Variants in CCDC157 observed in about 807,000 individuals in gnomAD.
CCDC157 encodes coiled-coil domain containing 157.
A neutral mutation model predicts 70.9 loss-of-function variants in CCDC157; 60 were observed. That is an observed-to-expected ratio of 0.85 (90% CI 0.69 to 1.05). CCDC157 has a LOEUF of 1.05. Ranked by LOEUF, CCDC157 falls within the 50% of genes least tolerant of loss-of-function variation. The pLI, the probability that CCDC157 is intolerant of heterozygous loss-of-function variation, is 0.00. For synonymous variants in CCDC157, 373 were observed against 422.4 expected (o/e 0.88, Z 1.43); for missense variants, 943 against 984.2 (o/e 0.96, Z 0.56).
At chr22:30,371,511 C>A in intron 5 of CCDC157, 139 bp from the exon 6 acceptor site, 1 of 698,948 alleles carries the variant, frequency 1.4e-6, no homozygotes, top group South Asian at 1.7e-5. Flanking sequence ...CCACCAGCCT[C>A]CCTAGAGCTC....
chr22:30,361,686 G>A (rs376421105), intron 1 of CCDC157, among the ~76,000 whole-genome samples: 1 of 152,168 alleles, frequency 6.6e-6, no homozygotes, highest in African/African-American at 2.4e-5. Context: ...GAGTGACCTC[G>A]GGCAAGCTCC....
chr22:30,356,651 C>G, upstream of CCDC157: 2 of 1,143,776 alleles, frequency 1.7e-6, no homozygotes, highest in Non-Finnish European at 2.4e-6. Flanking sequence ...TTCATAGCGG[C>G]CGGCCGCTTA....
At chr22:30,374,488 C>T (rs1479547020) in intron 9 of CCDC157, 1 of 468,008 alleles carries the variant, frequency 2.1e-6, no homozygotes, top group African/African-American at 2.0e-5. Flanking sequence ...ACACAGCCTC[C>T]AGCTGCCCAC....
In CCDC157 at chr22:30,369,417, C is replaced by A. The variant is rs925134152; in HGVS notation, c.249-15C>A. The A allele has an allele frequency of 8.0e-6, 12 of 1,491,356 alleles. No homozygotes were observed. Among genetic ancestry groups the A allele is most frequent in the Non-Finnish European group, 1.1e-5 (12 of 1,113,936 alleles). 92.4% of individuals were successfully genotyped at this position (1,491,356 alleles called of 1,614,324 possible). A position where few individuals can be genotyped will look rare whatever the true frequency, so the allele number is the denominator to read the frequency against. On this transcript the variant is annotated splice_polypyrimidine_tract_variant and intron_variant, in intron 3 of 11. Transcript: ENST00000338306. ...ACCAGCCTGGGCCCCAGCAACCTAG[C>A]ATCTCTGCCCGCAGGCTCCTGCTGC...
At chr22:30,374,329 C>G in intron 9 of CCDC157, 1 of 638,156 alleles carries the variant, frequency 1.6e-6, no homozygotes, top group Non-Finnish European at 2.9e-6. Flanking sequence ...CCTCTAGTCA[C>G]AACAGCCAAA....
At chr22:30,370,187 C>G in intron 4 of CCDC157, 139 bp from the exon 5 acceptor site, 1 of 941,230 alleles carries the variant, frequency 1.1e-6, no homozygotes, top group Non-Finnish European at 1.6e-6. Context: ...CTCTTATTCA[C>G]GTCGGTGTCA....
chr22:30,361,305 C>T (rs545348551), intron 1 of CCDC157, among the ~76,000 whole-genome samples: 19 of 149,996 alleles, frequency 1.3e-4, no homozygotes, highest in African/African-American at 4.2e-4. Context: ...TGAGGGAGGG[C>T]ATGGATTTAG....
In CCDC157 at chr22:30,370,953, C is replaced by T. The variant is rs1363418612; in HGVS notation, c.1045+3C>T. On this transcript the variant is annotated splice_donor_region_variant and intron_variant, in intron 5 of 11. Coordinates refer to ENST00000338306, the MANE Select transcript of CCDC157 (RefSeq NM_001017437.5). ...CGACAAACAGCAGCTGCTCACAGGTCTGTGCCCCAGAGGCCAGACGCCTGG... is the reference window on the plus strand; with the variant it reads ...CGACAAACAGCAGCTGCTCACAGGTTTGTGCCCCAGAGGCCAGACGCCTGG... 2 of 1,604,862 alleles carry T rather than the reference C, an allele frequency of 1.2e-6. No individual in the cohort carries two copies. Among genetic ancestry groups the T allele is most frequent in the Non-Finnish European group, 1.7e-6 (2 of 1,176,638 alleles).
Position 30,376,686 on chromosome 22 carries a change from CTG to C in CCDC157, c.2202_2203del (p.Ser735ThrfsTer37). On this transcript the variant is annotated frameshift_variant, in exon 12 of 12. Transcript: ENST00000338306. LOFTEE classifies it high-confidence loss of function. ...GGTCTTGGTCAGGCTGAGAAAGAGA[CTG>C]TCACCTGGCCGGGGACAGGCCAGCT... ...IKVLVRLRKRLSPGRGQASSA... is the reference protein window; with the variant it reads ...IKVLVRLRKRXSPGRGQASSA... 1 of 1,613,572 alleles carries C rather than the reference CTG, an allele frequency of 6.2e-7. No individual in the cohort carries two copies. Among genetic ancestry groups the C allele is most frequent in the Non-Finnish European group, 8.5e-7 (1 of 1,180,024 alleles).
At chr22:30,360,029 T>TAA (rs1428574511) in intron 1 of CCDC157, among the ~76,000 whole-genome samples, 1 of 152,108 alleles carries the variant, frequency 6.6e-6, no homozygotes, top group East Asian at 1.9e-4. Flanking sequence ...CCTGTAGTCC[T>TAA]ACCTACTCAG....
Position 30,370,541 on chromosome 22 carries a change from GACCAT to G in CCDC157, c.637_641del (p.Thr213Ter), listed in dbSNP as rs1283358061. ...AGAACACCAGGAGTGTCCACTCCCA[GACCAT>G]TGAGACGGCCCTGGTGCCCTGTGAC... On this transcript the variant is annotated frameshift_variant, in exon 5 of 12. Transcript: ENST00000338306. LOFTEE classifies it high-confidence loss of function. 6.2e-7 allele frequency: 1 copy of G among 1,613,946 alleles called. No individual in the cohort carries two copies. Among genetic ancestry groups the G allele is most frequent in the Admixed American group, 1.7e-5 (1 of 60,004 alleles).
chr22:30,373,731 G>A lies in CCDC157; in HGVS notation c.1470G>A (p.Arg490=). ...ARVEEQLQSE[R]EQGQCQLRAQ... ...TGGAGGAGCAGCTGCAGAGCGAGCG[G>A]GAGCAGGGGCAATGCCAGCTCAGGG... is the stretch of plus-strand genomic sequence containing the variant. Residue 490 remains arginine (R), a synonymous_variant, in exon 8 of 12, where the codon CGG becomes CGA. Coordinates refer to ENST00000338306, the MANE Select transcript of CCDC157 (RefSeq NM_001017437.5). 5 of 1,553,966 alleles carry A rather than the reference G, an allele frequency of 3.2e-6. No individual in the cohort carries two copies. The highest frequency in any genetic ancestry group is 1.2e-5 in the South Asian group (1 of 84,368).
In CCDC157 at chr22:30,376,468, C is replaced by G. The variant is rs139750381; in HGVS notation, c.1982C>G (p.Thr661Arg). The G allele has an allele frequency of 1.6e-4, 264 of 1,613,556 alleles. 1 individual carries two copies. In the African/African-American group the frequency reaches 3.2e-3, roughly 19 times the overall value. ...AGACAGCACCTTCCTAGCAGCAGGA[C>G]GGGTAGGACCCTGCTGGGCCAGCCC... ...LGRQHLPSSRTGRTLLGQPCT... is the reference protein window; with the variant it reads ...LGRQHLPSSRRGRTLLGQPCT... The change falls in exon 12 of 12, where the codon ACG becomes AGG. Residue 661 changes from threonine to arginine, a missense_variant. Physicochemically the swap from Thr to Arg is moderately conservative, Grantham distance 71. Transcript: ENST00000338306.
intron 10 of CCDC157, chr22:30,375,877 TC>T: frequency 1.7e-6 from 1 of 575,862 alleles, no homozygotes. Flanking sequence ...TAGCTGTCAT[TC>T]CTTTAAGTGC....
chr22:30,373,362 C>T lies in CCDC157; in HGVS notation c.1336-235C>T, dbSNP rs185222556. 5.2e-4 allele frequency: 284 copies of T among 548,496 alleles called. 4 individuals are homozygous for T. In the East Asian group the frequency reaches 7.2e-3, roughly 14 times the overall value. The allele number at this position is 548,496 out of a possible 1,614,324, so 34.0% of individuals were successfully genotyped here. A position where few individuals can be genotyped will look rare whatever the true frequency, so the allele number is the denominator to read the frequency against. ...AGCCAGCCATCTGCGTTCCAAGGGC[C>T]GGGGTCTTCAAGCTGGGATCCTGGC... On this transcript the variant is annotated intron_variant, in intron 7 of 11. Transcript: ENST00000338306.
Position 30,372,268 on chromosome 22 carries a change from C to A in CCDC157, c.1317C>A (p.Ser439Arg). ...ELDKEKARVD[S>R]MVRHQESLQA... ...ATAAGGAGAAGGCCCGTGTCGACAG[C>A]ATGGTCCGCCACCAGGAGGTGAGGC... Residue 439 changes from serine to arginine, a missense_variant, in exon 7 of 12, where the codon AGC (serine) becomes AGA (arginine). Coordinates refer to ENST00000338306, the MANE Select transcript of CCDC157 (RefSeq NM_001017437.5). 8 of 1,576,198 alleles carry A rather than the reference C, an allele frequency of 5.1e-6. No homozygotes were observed. The highest frequency in any genetic ancestry group is 6.9e-6 in the Non-Finnish European group (8 of 1,164,174).
intron 1 of CCDC157, among the ~76,000 whole-genome samples, chr22:30,360,510 A>G (rs1222605953): frequency 6.6e-6 from 1 of 152,088 alleles, no homozygotes; most frequent in Non-Finnish European, 1.5e-5. Flanking sequence ...GTCTCAAAAA[A>G]AAAAAAAAGT....
Position 30,376,932 on chromosome 22 carries a change from A to T in CCDC157, c.*187A>T. 1 of 625,610 alleles carries T rather than the reference A, an allele frequency of 1.6e-6. No individual in the cohort carries two copies. The highest frequency in any genetic ancestry group is 2.8e-6 in the Non-Finnish European group (1 of 360,158). The allele number at this position is 625,610 out of a possible 1,614,324, so 38.8% of individuals were successfully genotyped here. Reference sequence around the variant, plus strand: ...GCCATGTAGTTCAGTCAGTCAGCAGAGTCCTGGCACTATGGGCCCTCAGTA... The same window carrying T: ...GCCATGTAGTTCAGTCAGTCAGCAGTGTCCTGGCACTATGGGCCCTCAGTA... On this transcript the variant is annotated 3_prime_UTR_variant, in exon 12 of 12. Coordinates refer to ENST00000338306, the MANE Select transcript of CCDC157 (RefSeq NM_001017437.5).
At chr22:30,374,251 C>CTTGCGTGCTGTG in intron 9 of CCDC157, 160 bp downstream of exon 9, 5 of 795,982 alleles carry the variant, frequency 6.3e-6, no homozygotes, top group African/African-American at 1.7e-5. Flanking sequence ...CACCACAGCA[C>CTTGCGTGCTGTG]GCAAGTGCTT....
Sources: gnomAD v4.1 joint callset for allele counts (sites outside exome capture counted in the v4.1 genomes callset) on GRCh38, gnomAD v4.1.1 for gene constraint, MANE v1.5 for transcripts, NCBI Gene and HGNC (gene_info 2026-07-23, HGNC 2026-07-21) for gene names.